MAPKAPK5: variants seen among roughly 807,000 people sequenced by gnomAD.
MAPKAPK5 encodes the protein MAPK activated protein kinase 5, also known as MAP kinase-activated protein kinase 5.
Under a neutral mutation model 65.1 loss-of-function variants are expected in MAPKAPK5, and 30 were observed. The ratio of observed to expected loss-of-function variants is 0.46; its 90% confidence interval spans 0.34 to 0.63. The LOEUF (loss-of-function observed/expected upper bound fraction) is 0.63, where lower values mean the gene tolerates loss of function less well. MAPKAPK5 is among the 20% of genes least tolerant of loss of function. MAPKAPK5 has a pLI of 0.01. For synonymous variants in MAPKAPK5, 179 were observed against 204.6 expected (o/e 0.87, Z 1.07); for missense variants, 433 against 581.4 (o/e 0.74, Z 2.63).
chr12:111,859,653 T>TTTTCTTTTCTTTTC (rs10686518), intron 1 of MAPKAPK5, among the ~76,000 whole-genome samples: 1 of 142,880 alleles, frequency 7.0e-6, no homozygotes, highest in African/African-American at 2.6e-5. Flanking sequence ...TTTGCTTTTC[T>TTTTCTTTTCTTTTC]TTTTTTTTTT....
chr12:111,884,244 T>C (rs933115948), intron 9 of MAPKAPK5, among the ~76,000 whole-genome samples: 1 of 152,142 alleles, frequency 6.6e-6, no homozygotes, highest in African/African-American at 2.4e-5. Flanking sequence ...GGAGTCTCGC[T>C]CTGTTGCCCA....
chr12:111,888,374 T>C (rs1248112773), intron 10 of MAPKAPK5, 114 bp from the exon 11 acceptor site: 2 of 1,396,682 alleles, frequency 1.4e-6, no homozygotes, highest in African/African-American at 2.9e-5. Flanking sequence ...TCCTTCAGCA[T>C]AAGAGTGAAA....
rs2069858853 is a variant in MAPKAPK5, at chr12:111,873,657, G to A, written c.579+2477G>A. On this transcript the variant is annotated intron_variant, in intron 7 of 13. Coordinates refer to ENST00000550735, the MANE Select transcript of MAPKAPK5 (RefSeq NM_003668.4). The stretch of plus-strand genomic sequence containing the variant: ...TGCGCCTGGCCTGAATTGCAGTTTT[G>A]TTGAAAACCAGCTGGCCATATATCT... Among the ~76,000 whole-genome samples the A allele has an allele frequency of 2.0e-5, 3 of 152,122 alleles. 1 individual carries two copies. In the South Asian group the frequency reaches 6.2e-4, roughly 32 times the overall value.
At chr12:111,865,881 C>T (rs1289626444) in intron 2 of MAPKAPK5, among the ~76,000 whole-genome samples, 3 of 149,662 alleles carry the variant, frequency 2.0e-5, no homozygotes, top group African/African-American at 7.4e-5. Flanking sequence ...TGTGGGGCCA[C>T]TGTGAGAGTC....
Position 111,899,071 on chromosome 12 carries a change from G to A in MAPKAPK5, c.*6010G>A, listed in dbSNP as rs1028677022. On this transcript the variant is annotated 3_prime_UTR_variant, in exon 14 of 14. Coordinates refer to ENST00000550735, the MANE Select transcript of MAPKAPK5 (RefSeq NM_003668.4). ...AGGAAGACATACTAAAGAAACTGCCGAAGGCCAGGAGAGAAGCAGGAAGAG... is the reference window on the plus strand; with the variant it reads ...AGGAAGACATACTAAAGAAACTGCCAAAGGCCAGGAGAGAAGCAGGAAGAG... 1.3e-5 allele frequency: 2 copies of A among 152,218 alleles called. No individual in the cohort carries two copies. Among genetic ancestry groups the A allele is most frequent in the Non-Finnish European group, 2.9e-5 (2 of 68,052 alleles). The allele number at this position is 152,218 out of a possible 1,614,324, so 9.4% of individuals were successfully genotyped here.
At chr12:111,866,863 A>G (rs560800761) in intron 3 of MAPKAPK5, among the ~76,000 whole-genome samples, 5 of 152,324 alleles carry the variant, frequency 3.3e-5, no homozygotes, top group African/African-American at 9.6e-5. Context: ...CGGCCTCTCA[A>G]AGTGCTGGGA....
At chr12:111,863,977 A>G (rs772716802) in intron 1 of MAPKAPK5, among the ~76,000 whole-genome samples, 27 of 152,098 alleles carry the variant, frequency 1.8e-4, no homozygotes, top group Non-Finnish European at 3.5e-4. Context: ...TGAATTTTAG[A>G]CTATCACAAT....
chr12:111,882,885 T>A (rs2070282147), intron 8 of MAPKAPK5: 1 of 977,206 alleles, frequency 1.0e-6, no homozygotes, highest in South Asian at 4.7e-5. Context: ...TTGCTTTGTT[T>A]CTACATAGAG....
chr12:111,877,794 C>T (rs975406538), intron 7 of MAPKAPK5, among the ~76,000 whole-genome samples: 76 of 152,180 alleles, frequency 5.0e-4, no homozygotes, highest in African/African-American at 1.8e-3. Flanking sequence ...GATCCTCCCA[C>T]CTCAGCCTCC....
In MAPKAPK5 at chr12:111,883,558, A is replaced by G; in HGVS notation, c.661-23A>G. On this transcript the variant is annotated intron_variant, in intron 8 of 13. Transcript: ENST00000550735. This position sits in a 1 kb window ranked among gnomAD's most constrained non-coding sequence, Gnocchi z 4.8. ...GGGGGCTCTGCTTCTGCTGTGAGTG[A>G]CCATTTTCTTTTTTGCTTTCAGAGC... 1.2e-6 allele frequency: 2 copies of G among 1,608,162 alleles called. No homozygotes were observed. The highest frequency in any genetic ancestry group is 1.7e-6 in the Non-Finnish European group (2 of 1,176,798).
intron 13 of MAPKAPK5, among the ~76,000 whole-genome samples, chr12:111,891,268 A>AT (rs762982308): frequency 0.02 from 2,644 of 133,154 alleles, 76 homozygotes; most frequent in African/African-American, 0.061. Context: ...TAATTTTTGT[A>AT]TTTTTTTTTT....
chr12:111,849,449 A>C (rs149420766), intron 1 of MAPKAPK5, among the ~76,000 whole-genome samples: 176 of 151,940 alleles, frequency 1.2e-3, no homozygotes, highest in African/African-American at 3.9e-3. Context: ...AGAGACTAAA[A>C]ATTTTAGTTT....
intron 13 of MAPKAPK5, among the ~76,000 whole-genome samples, chr12:111,891,680 G>A (rs1304949550): frequency 2.0e-5 from 3 of 149,400 alleles, no homozygotes; most frequent in African/African-American, 7.4e-5. Context: ...GGTGGCATGC[G>A]CCTGTAGTTC....
In MAPKAPK5 at chr12:111,901,337, C is replaced by T. The variant is rs776572351; in HGVS notation, c.*8276C>T. 1 of 456,016 alleles carries T rather than the reference C, an allele frequency of 2.2e-6. No homozygotes were observed. Among genetic ancestry groups the T allele is most frequent in the South Asian group, 1.5e-5 (1 of 64,564 alleles). The allele number at this position is 456,016 out of a possible 1,614,324, so 28.2% of individuals were successfully genotyped here. ...GTAATGAAGGGCATGCCCCCCCTGA[C>T]TGTGTTACTGCAGGAAGTGGAGGTA... On this transcript the variant is annotated 3_prime_UTR_variant, in exon 14 of 14. Coordinates refer to ENST00000550735, the MANE Select transcript of MAPKAPK5 (RefSeq NM_003668.4).
At chr12:111,875,660 G>T (rs1346286510) in intron 7 of MAPKAPK5, among the ~76,000 whole-genome samples, 1 of 152,122 alleles carries the variant, frequency 6.6e-6, no homozygotes, top group Non-Finnish European at 1.5e-5. Flanking sequence ...AAGAGTATGG[G>T]AGCAGGCATG....
rs17220417 is a variant in MAPKAPK5, at chr12:111,895,427, A to G, written c.*2366A>G. 0.024 allele frequency: 3,573 copies of G among 151,068 alleles called. 65 individuals are homozygous for G. Among genetic ancestry groups the G allele is most frequent in the Non-Finnish European group, 0.034 (2,318 of 67,782 alleles). The allele number at this position is 151,068 out of a possible 1,614,324, so 9.4% of individuals were successfully genotyped here. A position where few individuals can be genotyped will look rare whatever the true frequency, so the allele number is the denominator to read the frequency against. On this transcript the variant is annotated 3_prime_UTR_variant, in exon 14 of 14. Coordinates refer to ENST00000550735, the MANE Select transcript of MAPKAPK5 (RefSeq NM_003668.4). ...ACATTGGTTCCTTTTTATCTTGGAGAATTTAATTGAAAGATATTTTTTGAG... is the reference window on the plus strand; with the variant it reads ...ACATTGGTTCCTTTTTATCTTGGAGGATTTAATTGAAAGATATTTTTTGAG...
rs1056450584 is a variant in MAPKAPK5 at position 111,883,265 on chromosome 12, G to C, written c.661-316G>C. Reference sequence around the variant, plus strand: ...ATGGTGGCACATGCCTGTAATCCCAGCTACTCAGGAGGCTGAGGCAGGAGG... The same window carrying C: ...ATGGTGGCACATGCCTGTAATCCCACCTACTCAGGAGGCTGAGGCAGGAGG... On this transcript the variant is annotated intron_variant, in intron 8 of 13. Transcript: ENST00000550735. This position sits in a 1 kb window ranked among gnomAD's most constrained non-coding sequence, Gnocchi z 4.8. 3.9e-5 allele frequency among the ~76,000 whole-genome samples: 6 copies of C among 152,116 alleles called. No individual in the cohort carries two copies. The highest frequency in any genetic ancestry group is 1.2e-4 in the African/African-American group (5 of 41,418).
At chr12:111,871,224 C>T (rs747976588) in intron 7 of MAPKAPK5, 44 bp downstream of exon 7, 6 of 1,501,470 alleles carry the variant, frequency 4.0e-6, no homozygotes, top group East Asian at 2.3e-5. Context: ...CACCAAGCTG[C>T]CCATCAACTC....
chr12:111,845,899 G>T (rs2068893515), intron 1 of MAPKAPK5, among the ~76,000 whole-genome samples: 1 of 152,080 alleles, frequency 6.6e-6, no homozygotes, highest in South Asian at 2.1e-4. Flanking sequence ...CTCCAGCCTG[G>T]GCGACAGAGT....
Sources: gnomAD v4.1 joint callset for allele counts (sites outside exome capture counted in the v4.1 genomes callset) on GRCh38, gnomAD v4.1.1 for gene constraint, Gnocchi (gnomAD v3.1) non-coding constraint, MANE v1.5 for transcripts, NCBI Gene and HGNC (gene_info 2026-07-23, HGNC 2026-07-21) for gene names.